SEPTIN11: variants seen among roughly 807,000 people sequenced by gnomAD.
The protein encoded by SEPTIN11 is septin 11, also known as septin-11.
Under a neutral mutation model 51.4 loss-of-function variants are expected in SEPTIN11, and 25 were observed. That is an observed-to-expected ratio of 0.49 (90% confidence interval 0.35 to 0.68). SEPTIN11 has a LOEUF of 0.68. Among genes scored for constraint, SEPTIN11 ranks in the 30% least tolerant of loss-of-function variants. SEPTIN11 has a pLI of 0.00. For synonymous variants in SEPTIN11, 174 were observed against 184.1 expected (o/e 0.95, Z 0.44); for missense variants, 381 against 520.8 (o/e 0.73, Z 2.61).
At chr4:77,028,888 C>A in intron 8 of SEPTIN11, 127 bp downstream of exon 8, 3 of 989,104 alleles carry the variant, frequency 3.0e-6, no homozygotes, top group Non-Finnish European at 1.4e-6. Flanking sequence ...AGTGACCTGC[C>A]AACCTGGCCA....
At chr4:77,020,125 A>C (rs1725590288) in intron 6 of SEPTIN11, among the ~76,000 whole-genome samples, 1 of 152,198 alleles carries the variant, frequency 6.6e-6, no homozygotes, top group African/African-American at 2.4e-5. Flanking sequence ...TGGCATTTGA[A>C]TCTAGACCCT....
In SEPTIN11 at chr4:77,034,496, G is replaced by A; in HGVS notation, c.1275-1G>A. 1 of 1,557,336 alleles carries A rather than the reference G, an allele frequency of 6.4e-7. No homozygotes were observed. Among genetic ancestry groups the A allele is most frequent in the South Asian group, 1.3e-5 (1 of 78,810 alleles). On this transcript the variant is annotated splice_acceptor_variant, in intron 9 of 9. Coordinates refer to ENST00000264893, the MANE Select transcript of SEPTIN11 (RefSeq NM_018243.4). LOFTEE classifies it high-confidence loss of function. ...TTTTTGTTTTGTTTTTTAACTTGCAGTGCAAGCTTCACATAAAGCCTGGCA... is the reference window on the plus strand; with the variant it reads ...TTTTTGTTTTGTTTTTTAACTTGCAATGCAAGCTTCACATAAAGCCTGGCA...
At position 77,036,737 on chromosome 4, in the gene SEPTIN11, T is replaced by C. The variant is rs542556071; in HGVS notation, c.*2225T>C. 1.1e-4 allele frequency: 171 copies of C among 1,535,120 alleles called. No homozygotes were observed. Among genetic ancestry groups the C allele is most frequent in the Non-Finnish European group, 1.3e-4 (152 of 1,146,818 alleles). On this transcript the variant is annotated 3_prime_UTR_variant, in exon 10 of 10. Coordinates refer to ENST00000264893, the MANE Select transcript of SEPTIN11 (RefSeq NM_018243.4). ...TTAGTTTGTTATTGCTGCTTTTCTT[T>C]TTTCTTTCTGTATCTATGCCTTTTT...
chr4:77,029,021 G>A (rs1283269218), intron 8 of SEPTIN11, among the ~76,000 whole-genome samples: 1 of 152,162 alleles, frequency 6.6e-6, no homozygotes, highest in Non-Finnish European at 1.5e-5. Context: ...CTAGATCTTA[G>A]GTCTCCAGAT....
intron 2 of SEPTIN11, among the ~76,000 whole-genome samples, chr4:77,004,822 G>T (rs1004051359): frequency 9.9e-5 from 15 of 152,268 alleles, no homozygotes; most frequent in African/African-American, 3.6e-4. Context: ...AATTAGCCAG[G>T]TGTGGTGACA....
In SEPTIN11 at chr4:77,019,396, A is replaced by G. The variant is rs1385843273; in HGVS notation, c.784+135A>G. 4 of 618,822 alleles carry G rather than the reference A, an allele frequency of 6.5e-6. No individual in the cohort carries two copies. In the African/African-American group the frequency reaches 7.4e-5, roughly 11 times the overall value. 38.3% of individuals were successfully genotyped at this position (618,822 alleles called of 1,614,324 possible). ...GTGGGAGGGAGTGGTGGGGCTCCAC[A>G]TGTGACAATCGTGGAGGTGAGGAAG... On this transcript the variant is annotated intron_variant, in intron 6 of 9. Coordinates refer to ENST00000264893, the MANE Select transcript of SEPTIN11 (RefSeq NM_018243.4).
chr4:77,032,066 T>C (rs1451200600), intron 9 of SEPTIN11: 4 of 152,186 alleles, frequency 2.6e-5, no homozygotes, highest in African/African-American at 9.7e-5. Context: ...CACAGTGCTA[T>C]TGTCCACTTA....
intron 5 of SEPTIN11, among the ~76,000 whole-genome samples, chr4:77,018,347 G>A (rs903689200): frequency 6.6e-6 from 1 of 151,912 alleles, no homozygotes; most frequent in Non-Finnish European, 1.5e-5. Flanking sequence ...TATTTGGGAC[G>A]CTGAGGCAGG....
At chr4:77,017,728 C>G (rs1438554646) in intron 5 of SEPTIN11, among the ~76,000 whole-genome samples, 1 of 152,192 alleles carries the variant, frequency 6.6e-6, no homozygotes, top group Non-Finnish European at 1.5e-5. Context: ...AACACTGGAT[C>G]AAGGAACTCT....
At chr4:77,012,005 T>A (rs1724897279) in intron 4 of SEPTIN11, 84 bp downstream of exon 4, 2 of 1,265,324 alleles carry the variant, frequency 1.6e-6, no homozygotes, top group Admixed American at 4.4e-5. Flanking sequence ...CTGCTTTCAG[T>A]GTGATTTTTT....
intron 1 of SEPTIN11, among the ~76,000 whole-genome samples, chr4:76,981,643 CAG>C (rs764357881): frequency 1.3e-5 from 2 of 152,118 alleles, no homozygotes; most frequent in South Asian, 2.1e-4. Flanking sequence ...AGAAGGAGAA[CAG>C]AGTAAGGAAG....
At chr4:76,999,636 G>T (rs1164609220) in intron 2 of SEPTIN11, among the ~76,000 whole-genome samples, 1 of 152,196 alleles carries the variant, frequency 6.6e-6, no homozygotes, top group Non-Finnish European at 1.5e-5. Context: ...TGAACCTGTA[G>T]GTTGAAAGAA....
intron 2 of SEPTIN11, among the ~76,000 whole-genome samples, chr4:77,001,950 G>A (rs1724149212): frequency 6.6e-6 from 1 of 152,152 alleles, no homozygotes; most frequent in South Asian, 2.1e-4. Context: ...ACTAGCATGG[G>A]GAACACAGTG....
At chr4:76,985,071 C>T (rs1342903114) in intron 1 of SEPTIN11, 2 of 152,236 alleles carry the variant, frequency 1.3e-5, no homozygotes, top group Non-Finnish European at 2.9e-5. Context: ...AATCTGTAAG[C>T]GTCCCTGGAA....
At position 77,036,103 on chromosome 4, in the gene SEPTIN11, G is replaced by T. The variant is rs929345923; in HGVS notation, c.*1591G>T. On this transcript the variant is annotated 3_prime_UTR_variant, in exon 10 of 10. Transcript: ENST00000264893. Reference sequence around the variant, plus strand: ...TTTTCTTTGTCCTCAACCATACTTAGAGGAAAGAAGGAATGGTCTTCCATG... The same window carrying T: ...TTTTCTTTGTCCTCAACCATACTTATAGGAAAGAAGGAATGGTCTTCCATG... The T allele has an allele frequency of 1.0e-6, 1 of 985,814 alleles. No homozygotes were observed. The allele number at this position is 985,814 out of a possible 1,614,324, so 61.1% of individuals were successfully genotyped here. A position where few individuals can be genotyped will look rare whatever the true frequency, so the allele number is the denominator to read the frequency against.
chr4:77,029,850 A>G (rs765488844), intron 8 of SEPTIN11, among the ~76,000 whole-genome samples: 2 of 152,102 alleles, frequency 1.3e-5, no homozygotes, highest in Non-Finnish European at 2.9e-5. Flanking sequence ...ATACAAACAC[A>G]TACATATATG....
At chr4:77,027,941 C>G (rs1041829300) in intron 7 of SEPTIN11, among the ~76,000 whole-genome samples, 3 of 148,076 alleles carry the variant, frequency 2.0e-5, no homozygotes, top group Non-Finnish European at 1.5e-5. Context: ...TCTCCCTGCT[C>G]TGTTTACAAC....
chr4:76,951,216 A>C (rs1721327951), intron 1 of SEPTIN11, among the ~76,000 whole-genome samples: 2 of 152,100 alleles, frequency 1.3e-5, no homozygotes, highest in African/African-American at 4.8e-5. Context: ...GGAGAAGTTC[A>C]TGGGTCCCTT....
intron 1 of SEPTIN11, among the ~76,000 whole-genome samples, chr4:76,955,735 T>A (rs1721531920): frequency 6.6e-6 from 1 of 152,138 alleles, no homozygotes; most frequent in Admixed American, 6.5e-5. Flanking sequence ...AATTGAACCC[T>A]TAAAGAATAG....
Sources: allele counts gnomAD v4.1 joint callset (sites outside exome capture counted in the v4.1 genomes callset), GRCh38; gene constraint gnomAD v4.1.1; transcripts MANE v1.5; gene names NCBI Gene and HGNC (gene_info 2026-07-23, HGNC 2026-07-21).